The following DESI2 variants were observed in gnomAD, a reference collection of about 807,000 sequenced individuals.
DESI2 encodes the protein deubiquitinase DESI2.
A neutral mutation model predicts 24.1 loss-of-function variants in DESI2; 10 were observed. That is an observed-to-expected ratio of 0.41 (90% confidence interval 0.26 to 0.70). The LOEUF (loss-of-function observed/expected upper bound fraction) is 0.70. DESI2 is among the 30% of genes least tolerant of loss of function. DESI2 has a pLI of 0.29. For synonymous variants in DESI2, 71 were observed against 87.7 expected (o/e 0.81, Z 1.06); for missense variants, 122 against 234.9 (o/e 0.52, Z 3.14).
At chr1:244,681,042 C>T (rs137911425) in intron 1 of DESI2, among the ~76,000 whole-genome samples, 35 of 148,924 alleles carry the variant, frequency 2.4e-4, no homozygotes, top group Admixed American at 4.0e-4. Flanking sequence ...TTTTGATGTT[C>T]ACCTTTTCCC....
At chr1:244,663,947 G>A (rs1439089567) in intron 1 of DESI2, among the ~76,000 whole-genome samples, 1 of 151,238 alleles carries the variant, frequency 6.6e-6, no homozygotes, top group Non-Finnish European at 1.5e-5. Flanking sequence ...GAACCTGGGA[G>A]GCGGAGGTTG....
At chr1:244,694,705 A>G in intron 4 of DESI2, 1 of 720,302 alleles carries the variant, frequency 1.4e-6, no homozygotes, top group Non-Finnish European at 2.6e-6. Context: ...CCAAACGATG[A>G]TGTTGCCTTC....
intron 4 of DESI2, among the ~76,000 whole-genome samples, chr1:244,703,566 G>T (rs1346819825): frequency 1.3e-5 from 2 of 151,968 alleles, no homozygotes; most frequent in Non-Finnish European, 2.9e-5. Flanking sequence ...GCCCAGGGTG[G>T]TCTTGAACTC....
At chr1:244,681,296 G>A (rs184046723) in intron 1 of DESI2, among the ~76,000 whole-genome samples, 2 of 152,146 alleles carry the variant, frequency 1.3e-5, no homozygotes, top group East Asian at 1.9e-4. Flanking sequence ...GATGCTTCCC[G>A]TTACGATCCA....
chr1:244,703,702 C>G (rs556595018), intron 4 of DESI2, among the ~76,000 whole-genome samples: 3 of 150,790 alleles, frequency 2.0e-5, no homozygotes, highest in East Asian at 1.9e-4. Flanking sequence ...TCTGTTGCCC[C>G]GGCTGGAGTG....
intron 4 of DESI2, among the ~76,000 whole-genome samples, chr1:244,700,138 T>C (rs192312764): frequency 1.8e-3 from 270 of 152,320 alleles, no homozygotes; most frequent in Non-Finnish European, 2.7e-3. Context: ...CCAATTTTGT[T>C]TCATACCCTT....
chr1:244,694,926 T>C (rs148583968), intron 4 of DESI2, among the ~76,000 whole-genome samples: 1 of 152,336 alleles, frequency 6.6e-6, no homozygotes, highest in African/African-American at 2.4e-5. Context: ...CTCTGCAAGA[T>C]AGGTCCCTTC....
intron 1 of DESI2, among the ~76,000 whole-genome samples, chr1:244,665,978 G>A (rs12404604): frequency 0.8 from 121,067 of 152,172 alleles, 48,409 homozygotes; most frequent in South Asian, 0.86. Flanking sequence ...AGCTGAATAG[G>A]GCTAGAGAAA....
Position 244,696,858 on chromosome 1 carries a change from C to T in DESI2, c.351+4838C>T, listed in dbSNP as rs145484574. Among the ~76,000 whole-genome samples the T allele has an allele frequency of 3.0e-3, 463 of 152,160 alleles. 3 individuals are homozygous for T. Among genetic ancestry groups the T allele is most frequent in the African/African-American group, 0.011 (441 of 41,498 alleles). On this transcript the variant is annotated intron_variant, in intron 4 of 4. Transcript: ENST00000302550. ...TTGGTTTATGCTGAAAACCTGCTTTCCCTCTGGGACTCTGGGATTTTGGCA... is the reference window on the plus strand; with the variant it reads ...TTGGTTTATGCTGAAAACCTGCTTTTCCTCTGGGACTCTGGGATTTTGGCA...
chr1:244,676,067 G>A (rs145454215), intron 1 of DESI2, among the ~76,000 whole-genome samples: 1 of 126,916 alleles, frequency 7.9e-6, no homozygotes, highest in Non-Finnish European at 1.6e-5. Flanking sequence ...TATTGCTAGT[G>A]TATAGAAATA....
rs1174797103 is a variant in DESI2, at chr1:244,689,211, G to A, written c.116-38G>A. 2 of 993,088 alleles carry A rather than the reference G, an allele frequency of 2.0e-6. No individual in the cohort carries two copies. The highest frequency in any genetic ancestry group is 3.6e-5 in the Admixed American group (2 of 55,650). The allele number at this position is 993,088 out of a possible 1,614,324, so 61.5% of individuals were successfully genotyped here. ...ATTCAGCATTCTGGTTAAATTTTAT[G>A]TGATACATACTAAAAATCATGAGTT... is the stretch of plus-strand genomic sequence containing the variant. On this transcript the variant is annotated intron_variant, in intron 2 of 4. Coordinates refer to ENST00000302550, the MANE Select transcript of DESI2 (RefSeq NM_016076.5). This position sits in a 1 kb window ranked among gnomAD's most constrained non-coding sequence, Gnocchi z 4.0.
intron 1 of DESI2, among the ~76,000 whole-genome samples, chr1:244,669,444 C>T (rs1390615424): frequency 7.2e-5 from 11 of 151,970 alleles, no homozygotes; most frequent in South Asian, 2.1e-4. Flanking sequence ...TTTGGGAGGC[C>T]GAGGTGGGCG....
chr1:244,677,784 G>A (rs915142229), intron 1 of DESI2, among the ~76,000 whole-genome samples: 3 of 152,110 alleles, frequency 2.0e-5, no homozygotes, highest in African/African-American at 7.2e-5. Flanking sequence ...GCCTGGCATG[G>A]TGGTGCATGC....
rs12029986 is a variant in DESI2, at chr1:244,683,405, A to G, written c.43-3192A>G. The stretch of plus-strand genomic sequence containing the variant: ...CGGCTCACTGCAAGCTCCGCCTCCC[A>G]GGTTCATGCCATTCTCCTGCCTCAG... On this transcript the variant is annotated intron_variant, in intron 1 of 4. Transcript: ENST00000302550. 6.6e-3 allele frequency among the ~76,000 whole-genome samples: 996 copies of G among 151,320 alleles called. 9 individuals carry two copies. Among genetic ancestry groups the G allele is most frequent in the African/African-American group, 0.022 (919 of 41,152 alleles).
intron 1 of DESI2, among the ~76,000 whole-genome samples, chr1:244,667,679 G>A (rs1676093750): frequency 1.3e-5 from 2 of 152,170 alleles, no homozygotes; most frequent in South Asian, 4.1e-4. Flanking sequence ...GACCAAGGAG[G>A]AAAAGGTCAA....
chr1:244,686,007 A>G (rs1348689432), intron 1 of DESI2, among the ~76,000 whole-genome samples: 1 of 152,160 alleles, frequency 6.6e-6, no homozygotes, highest in Non-Finnish European at 1.5e-5. Context: ...CTCAGTTCAG[A>G]TATTACTTTT....
chr1:244,675,685 T>A (rs1676391812), intron 1 of DESI2, among the ~76,000 whole-genome samples: 1 of 152,252 alleles, frequency 6.6e-6, no homozygotes, highest in South Asian at 2.1e-4. Flanking sequence ...ACTGTAGCTC[T>A]GTGCTAAATG....
chr1:244,657,402 T>A (rs967990964), intron 1 of DESI2, among the ~76,000 whole-genome samples: 6 of 152,234 alleles, frequency 3.9e-5, no homozygotes, highest in African/African-American at 1.4e-4. Flanking sequence ...ACATTCTTCC[T>A]CTTGCCCCAT....
intron 1 of DESI2, among the ~76,000 whole-genome samples, chr1:244,656,852 G>A (rs1297369059): frequency 6.6e-6 from 1 of 152,118 alleles, no homozygotes; most frequent in African/African-American, 2.4e-5. Flanking sequence ...TCGGCTCACA[G>A]CAACCTCTGC....
Sources: gnomAD v4.1 joint callset for allele counts (sites outside exome capture counted in the v4.1 genomes callset) on GRCh38, gnomAD v4.1.1 for gene constraint, Gnocchi (gnomAD v3.1) non-coding constraint, MANE v1.5 for transcripts, NCBI Gene and HGNC (gene_info 2026-07-23, HGNC 2026-07-21) for gene names.